PTPRD: variants seen among roughly 807,000 people sequenced by gnomAD.
The protein encoded by PTPRD is protein tyrosine phosphatase receptor type D, also known as receptor-type tyrosine-protein phosphatase delta.
Under a neutral mutation model 214.5 loss-of-function variants are expected in PTPRD, and 34 were observed. That is an observed-to-expected ratio of 0.16 (90% CI 0.12 to 0.21). The LOEUF (loss-of-function observed/expected upper bound fraction) is 0.21, where lower values mean the gene tolerates loss of function less well. PTPRD is among the 10% of genes least tolerant of loss of function. The pLI is 1.00. For synonymous variants in PTPRD, 1,128 were observed against 845.7 expected, an observed-to-expected ratio of 1.33 and a Z score of -5.79; for missense variants, 2,545 against 2,398.7, an observed-to-expected ratio of 1.06 and a Z score of -1.27.
chr9:9,587,620 G>A (rs1421857315), intron 7 of PTPRD, among the ~76,000 whole-genome samples: 1 of 151,996 alleles, frequency 6.6e-6, no homozygotes, highest in Non-Finnish European at 1.5e-5. Flanking sequence ...AAGGCTGGGG[G>A]TCTCACTAAT....
chr9:9,111,227 A>T (rs905755173), intron 10 of PTPRD, among the ~76,000 whole-genome samples: 1 of 151,582 alleles, frequency 6.6e-6, no homozygotes, highest in Non-Finnish European at 1.5e-5. Flanking sequence ...AAAAAAAAGA[A>T]AAGTGTTCAA....
intron 3 of PTPRD, among the ~76,000 whole-genome samples, chr9:10,076,475 GGACCCTGAATGGATATATA>G (rs2098133503): frequency 6.6e-6 from 1 of 152,074 alleles, no homozygotes; most frequent in South Asian, 2.1e-4. Context: ...TGTACTGGGA[GGACCCTGAATGGATATATA>G]GACCCTGAAG....
At chr9:9,894,539 C>G (rs2074400075) in intron 5 of PTPRD, among the ~76,000 whole-genome samples, 1 of 151,914 alleles carries the variant, frequency 6.6e-6, no homozygotes, top group African/African-American at 2.4e-5. Flanking sequence ...GTCTAATCAA[C>G]TTTCACTCAT....
At chr9:8,815,658 T>A (rs1167566207) in intron 11 of PTPRD, among the ~76,000 whole-genome samples, 1 of 151,872 alleles carries the variant, frequency 6.6e-6, no homozygotes, top group Admixed American at 6.6e-5. Flanking sequence ...AGATTATGGG[T>A]TTTTTTTCCC....
intron 11 of PTPRD, among the ~76,000 whole-genome samples, chr9:8,902,207 A>G (rs1413536396): frequency 6.6e-6 from 1 of 152,172 alleles, no homozygotes; most frequent in Non-Finnish European, 1.5e-5. Flanking sequence ...TGTGACAGAA[A>G]CTGTTGCTAC....
intron 10 of PTPRD, among the ~76,000 whole-genome samples, chr9:9,060,942 C>A (rs748887382): frequency 2.6e-5 from 4 of 152,092 alleles, no homozygotes; most frequent in Non-Finnish European, 5.9e-5. Flanking sequence ...TGACTGACAG[C>A]TACTTGCAGC....
intron 5 of PTPRD, among the ~76,000 whole-genome samples, chr9:9,930,044 C>G (rs190668500): frequency 9.9e-4 from 151 of 152,190 alleles, no homozygotes; most frequent in African/African-American, 3.5e-3. Context: ...AAACAAAACA[C>G]CAGAGCATAA....
chr9:9,892,957 T>C (rs979110554), intron 5 of PTPRD, among the ~76,000 whole-genome samples: 4 of 152,048 alleles, frequency 2.6e-5, no homozygotes, highest in African/African-American at 9.7e-5. Flanking sequence ...GGAAAATTTG[T>C]AGGAGTAAAA....
chr9:10,294,184 C>T (rs2095609223), intron 3 of PTPRD, among the ~76,000 whole-genome samples: 1 of 151,792 alleles, frequency 6.6e-6, no homozygotes, highest in African/African-American at 2.4e-5. Flanking sequence ...ACCTTTTTCC[C>T]CCAATTTCCC....
intron 7 of PTPRD, among the ~76,000 whole-genome samples, chr9:9,658,355 C>T (rs1451143400): frequency 3.3e-5 from 5 of 152,092 alleles, no homozygotes; most frequent in Non-Finnish European, 7.4e-5. Flanking sequence ...TGTTTCTTTA[C>T]CCTAAAAGGA....
intron 4 of PTPRD, among the ~76,000 whole-genome samples, chr9:9,971,340 T>C (rs1274905480): frequency 1.3e-5 from 2 of 152,184 alleles, no homozygotes; most frequent in Non-Finnish European, 2.9e-5. Flanking sequence ...GCGGTATGGC[T>C]ATATTTGGAG....
chr9:8,693,463 C>T (rs1227986928), intron 12 of PTPRD, among the ~76,000 whole-genome samples: 1 of 152,164 alleles, frequency 6.6e-6, no homozygotes, highest in Non-Finnish European at 1.5e-5. Context: ...CATTAAGGTG[C>T]TTAAATTATT....
In PTPRD at chr9:8,987,314, G is replaced by A. The variant is rs988220809; in HGVS notation, c.-104+31383C>T. Among the ~76,000 whole-genome samples, 12 of 152,040 alleles carry A rather than the reference G, an allele frequency of 7.9e-5. 1 individual carries two copies. Among genetic ancestry groups the A allele is most frequent in the South Asian group, 2.1e-4 (1 of 4,828 alleles). ...TGGGTGGAGAATGAACCTCATTAGGGTTCAGGATTTCGGCTTTCTTAACAG... is the reference window on the plus strand; with the variant it reads ...TGGGTGGAGAATGAACCTCATTAGGATTCAGGATTTCGGCTTTCTTAACAG... On this transcript the variant is annotated intron_variant, in intron 11 of 45. Transcript: ENST00000381196.
At position 10,439,804 on chromosome 9, in the gene PTPRD, G is replaced by A. The variant is rs879816438; in HGVS notation, c.-599-98787C>T. 8.8e-4 allele frequency among the ~76,000 whole-genome samples: 134 copies of A among 151,646 alleles called. 9 individuals carry two copies. On this transcript the variant is annotated intron_variant, in intron 2 of 45. Transcript: ENST00000381196. ...AGGAGCCAAGGGAGCAAGTAATAGG[G>A]CAGGAATGAAAATCATTATTTTTCT... is the stretch of plus-strand genomic sequence containing the variant.
rs750993260 is a variant in PTPRD, at chr9:9,485,871, G to A, written c.-236-88389C>T. On this transcript the variant is annotated intron_variant, in intron 8 of 45. Coordinates refer to ENST00000381196, the MANE Select transcript of PTPRD (RefSeq NM_002839.4). ...CCCAAATCTCTACTGCCTTCCCTTG[G>A]GCCGGGTGGGGTGGCTCACGCCTGT... is the stretch of plus-strand genomic sequence containing the variant. 1.9e-3 allele frequency among the ~76,000 whole-genome samples: 285 copies of A among 151,934 alleles called. 1 individual carries two copies. Among genetic ancestry groups the A allele is most frequent in the Middle Eastern group, 3.4e-3 (1 of 294 alleles).
intron 11 of PTPRD, among the ~76,000 whole-genome samples, chr9:8,746,245 A>G (rs2092790371): frequency 6.6e-6 from 1 of 152,162 alleles, no homozygotes; most frequent in African/African-American, 2.4e-5. Flanking sequence ...GCACTTTATT[A>G]CGAAGTTGCT....
At chr9:8,644,313 G>A (rs1050218272) in intron 12 of PTPRD, among the ~76,000 whole-genome samples, 3 of 152,086 alleles carry the variant, frequency 2.0e-5, no homozygotes, top group Non-Finnish European at 4.4e-5. Context: ...ACCCTGAGAC[G>A]GAGAGAAGAT....
intron 11 of PTPRD, among the ~76,000 whole-genome samples, chr9:8,774,668 G>A (rs1599380577): frequency 6.6e-6 from 1 of 151,682 alleles, no homozygotes; most frequent in South Asian, 2.1e-4. Context: ...CCGAGTAGCT[G>A]GGATTACAGG....
intron 10 of PTPRD, among the ~76,000 whole-genome samples, chr9:9,135,413 T>C (rs533627603): frequency 2.6e-5 from 4 of 152,324 alleles, no homozygotes; most frequent in African/African-American, 9.6e-5. Flanking sequence ...GATGTGTGTA[T>C]ACACAGAGTT....
Sources: allele counts gnomAD v4.1 joint callset (sites outside exome capture counted in the v4.1 genomes callset), GRCh38; gene constraint gnomAD v4.1.1; transcripts MANE v1.5; gene names NCBI Gene and HGNC (gene_info 2026-07-23, HGNC 2026-07-21).